The following RPS6KA5 variants were observed in gnomAD, a reference collection of about 807,000 sequenced individuals.
RPS6KA5 encodes ribosomal protein S6 kinase alpha-5.
In RPS6KA5, 27 loss-of-function variants were observed where a neutral mutation model predicts 85.5. That is an observed-to-expected ratio of 0.32 (90% CI 0.23 to 0.44). RPS6KA5 has a LOEUF of 0.44. Among genes scored for constraint, RPS6KA5 ranks in the 20% least tolerant of loss-of-function variants. RPS6KA5 has a pLI of 1.00. For missense variants in RPS6KA5, 811 were observed against 980.9 expected (o/e 0.83, Z 2.31); for synonymous variants, 334 against 348.2 (o/e 0.96, Z 0.46).
At chr14:91,058,044 T>C (rs2043395786) in intron 1 of RPS6KA5, among the ~76,000 whole-genome samples, 1 of 152,224 alleles carries the variant, frequency 6.6e-6, no homozygotes, top group South Asian at 2.1e-4. Context: ...CTGATATAAC[T>C]AGATGCTTAT....
chr14:90,903,888 A>C lies in RPS6KA5; in HGVS notation c.958-919T>G, dbSNP rs143796316. Reference sequence around the variant, plus strand: ...ATGCATACTGATTTCAGTGACAGTAAAATATGAAAATGTGCACTTCTTGGT... The same window carrying C: ...ATGCATACTGATTTCAGTGACAGTACAATATGAAAATGTGCACTTCTTGGT... On this transcript the variant is annotated intron_variant, in intron 8 of 16. Transcript: ENST00000614987. Among the ~76,000 whole-genome samples, 119 of 152,334 alleles carry C rather than the reference A, an allele frequency of 7.8e-4. No homozygotes were observed. In the East Asian group the frequency reaches 0.022, roughly 28 times the overall value.
intron 6 of RPS6KA5, 58 bp from the exon 7 acceptor site, chr14:90,920,367 A>G (rs1236520374): frequency 8.4e-7 from 1 of 1,193,906 alleles, no homozygotes; most frequent in Non-Finnish European, 1.2e-6. Context: ...TTTTATAAGA[A>G]AGAAAAAATG....
intron 14 of RPS6KA5, among the ~76,000 whole-genome samples, chr14:90,890,044 C>T (rs1323009830): frequency 1.3e-5 from 2 of 152,138 alleles, no homozygotes; most frequent in Non-Finnish European, 2.9e-5. Flanking sequence ...CTTTAAGTTA[C>T]GTAGTAGAAA....
chr14:90,877,214 G>A (rs545192613), intron 14 of RPS6KA5, among the ~76,000 whole-genome samples: 1 of 152,328 alleles, frequency 6.6e-6, no homozygotes, highest in African/African-American at 2.4e-5. Context: ...AGAATGCGCA[G>A]AGTTTGAAAA....
chr14:90,900,553 G>T lies in RPS6KA5; in HGVS notation c.1245+58C>A, dbSNP rs1457757533. On this transcript the variant is annotated intron_variant, in intron 10 of 16. Coordinates refer to ENST00000614987, the MANE Select transcript of RPS6KA5 (RefSeq NM_004755.4). ...GACTTAAGAACATTAATTAGAGTTGGTATTTAAACACTCACAAAACCTACA... is the reference window on the plus strand; with the variant it reads ...GACTTAAGAACATTAATTAGAGTTGTTATTTAAACACTCACAAAACCTACA... The T allele has an allele frequency of 4.6e-6, 7 of 1,527,270 alleles. No homozygotes were observed. In the East Asian group the frequency reaches 1.4e-4, roughly 30 times the overall value. 94.6% of individuals were successfully genotyped at this position (1,527,270 alleles called of 1,614,324 possible).
At chr14:90,957,510 T>C (rs550175019) in intron 3 of RPS6KA5, among the ~76,000 whole-genome samples, 1 of 152,312 alleles carries the variant, frequency 6.6e-6, no homozygotes, top group East Asian at 1.9e-4. Flanking sequence ...AGGGCTCTCT[T>C]TGCACTTTCT....
intron 1 of RPS6KA5, among the ~76,000 whole-genome samples, chr14:91,001,366 G>A (rs963177079): frequency 6.6e-5 from 10 of 152,108 alleles, no homozygotes; most frequent in Non-Finnish European, 1.3e-4. Flanking sequence ...TTGGAATTTA[G>A]GAACTATATA....
chr14:91,037,622 CTT>C (rs1312053081), intron 1 of RPS6KA5, among the ~76,000 whole-genome samples: 3 of 152,120 alleles, frequency 2.0e-5, no homozygotes, highest in South Asian at 4.1e-4. Flanking sequence ...AAAACTCTCT[CTT>C]CTCTGTGAGT....
intron 3 of RPS6KA5, among the ~76,000 whole-genome samples, chr14:90,956,960 T>A (rs2140405131): frequency 8.5e-6 from 1 of 117,924 alleles, no homozygotes; most frequent in Non-Finnish European, 1.7e-5. Flanking sequence ...CTTACTGTTT[T>A]TCTGTTTTTT....
chr14:90,923,439 T>C (rs1337056809), intron 5 of RPS6KA5, among the ~76,000 whole-genome samples: 1 of 151,808 alleles, frequency 6.6e-6, no homozygotes, highest in Non-Finnish European at 1.5e-5. Context: ...CATCCATCCA[T>C]CCATCCATCC....
intron 1 of RPS6KA5, among the ~76,000 whole-genome samples, chr14:91,023,017 G>A (rs956664588): frequency 2.0e-5 from 3 of 150,486 alleles, no homozygotes; most frequent in Admixed American, 6.6e-5. Context: ...CCGAGGAGGC[G>A]GAGGTTGTAG....
At chr14:91,006,676 G>A (rs1287689419) in intron 1 of RPS6KA5, among the ~76,000 whole-genome samples, 2 of 152,156 alleles carry the variant, frequency 1.3e-5, no homozygotes, top group East Asian at 3.8e-4. Flanking sequence ...AGTTTATGGT[G>A]TCTTTGTTAA....
At chr14:91,000,551 C>T (rs1243189531) in intron 2 of RPS6KA5, among the ~76,000 whole-genome samples, 1 of 152,114 alleles carries the variant, frequency 6.6e-6, no homozygotes, top group African/African-American at 2.4e-5. Context: ...AATCCCAGCC[C>T]TCTGGGAGGC....
At chr14:90,894,756 T>C (rs2034745437) in intron 12 of RPS6KA5, among the ~76,000 whole-genome samples, 173 bp from the exon 13 acceptor site, 1 of 152,248 alleles carries the variant, frequency 6.6e-6, no homozygotes, top group Non-Finnish European at 1.5e-5. Flanking sequence ...TGTAGCTGTT[T>C]TATAATTCTA....
rs1044321042 is a variant in RPS6KA5, at chr14:90,857,685, T to C, written c.*14389A>G. 2.0e-5 allele frequency: 3 copies of C among 152,166 alleles called. No individual in the cohort carries two copies. The highest frequency in any genetic ancestry group is 7.2e-5 in the African/African-American group (3 of 41,440). 9.4% of individuals were successfully genotyped at this position (152,166 alleles called of 1,614,324 possible). A position where few individuals can be genotyped will look rare whatever the true frequency, so the allele number is the denominator to read the frequency against. ...TTTCAAAAGGCTAAAAATATTTATA[T>C]AAAGAAGATGTAATCATCTAAAAGA... On this transcript the variant is annotated 3_prime_UTR_variant, in exon 17 of 17. Coordinates refer to ENST00000614987, the MANE Select transcript of RPS6KA5 (RefSeq NM_004755.4).
At chr14:90,952,158 T>C (rs977932530) in intron 3 of RPS6KA5, among the ~76,000 whole-genome samples, 5 of 152,222 alleles carry the variant, frequency 3.3e-5, no homozygotes, top group Non-Finnish European at 7.3e-5. Context: ...TTATGCTTTG[T>C]TTACCTCCAA....
In RPS6KA5 at chr14:90,865,696, G is replaced by C. The variant is rs2032775728; in HGVS notation, c.*6378C>G. The C allele has an allele frequency of 6.6e-6, 1 of 152,238 alleles. No individual in the cohort carries two copies. Among genetic ancestry groups the C allele is most frequent in the African/African-American group, 2.4e-5 (1 of 41,448 alleles). The allele number at this position is 152,238 out of a possible 1,614,324, so 9.4% of individuals were successfully genotyped here. A position where few individuals can be genotyped will look rare whatever the true frequency, so the allele number is the denominator to read the frequency against. Reference sequence around the variant, plus strand: ...CCACTGGATGTCAGTGTTTGGAGCAGTGGGCAGCAGGAAAAGCTGGGGAAG... The same window carrying C: ...CCACTGGATGTCAGTGTTTGGAGCACTGGGCAGCAGGAAAAGCTGGGGAAG... On this transcript the variant is annotated 3_prime_UTR_variant, in exon 17 of 17. Coordinates refer to ENST00000614987, the MANE Select transcript of RPS6KA5 (RefSeq NM_004755.4).
At chr14:90,958,655 A>T (rs890244154) in intron 3 of RPS6KA5, among the ~76,000 whole-genome samples, 24 of 152,184 alleles carry the variant, frequency 1.6e-4, no homozygotes, top group African/African-American at 5.5e-4. Context: ...TTTATTCAAC[A>T]GATATCTGAG....
chr14:90,903,208 G>C (rs943316799), intron 8 of RPS6KA5, among the ~76,000 whole-genome samples: 9 of 152,070 alleles, frequency 5.9e-5, no homozygotes, highest in Non-Finnish European at 1.2e-4. Flanking sequence ...AGTGTCCTCT[G>C]GGGGGCACCA....
Sources: allele counts gnomAD v4.1 joint callset (sites outside exome capture counted in the v4.1 genomes callset), GRCh38; gene constraint gnomAD v4.1.1; transcripts MANE v1.5; gene names NCBI Gene and HGNC (gene_info 2026-07-23, HGNC 2026-07-21).